CPE: variants seen among roughly 807,000 people sequenced by gnomAD.
CPE encodes carbocypeptidase E.
CPE carries 17 observed loss-of-function variants against 53.5 expected under a neutral mutation model. That is an observed-to-expected ratio of 0.32 (90% CI 0.22 to 0.48). The LOEUF is 0.48. CPE is among the 20% of genes least tolerant of loss of function. The probability of loss-of-function intolerance (pLI) is 0.99; values close to 1 mark genes in which losing one functional copy is unlikely to be tolerated. For synonymous variants in CPE, 226 were observed against 228.8 expected (o/e 0.99, Z 0.11); for missense variants, 524 against 614.7 (o/e 0.85, Z 1.56).
intron 1 of CPE, among the ~76,000 whole-genome samples, chr4:165,419,407 G>A (rs1731171105): frequency 6.6e-6 from 1 of 152,084 alleles, no homozygotes. Flanking sequence ...TTTTAAAGAT[G>A]TGATTTTCCA....
Position 165,429,552 on chromosome 4 carries a change from A to T in CPE, c.308-34838A>T, listed in dbSNP as rs865985539. On this transcript the variant is annotated intron_variant, in intron 1 of 8. Coordinates refer to ENST00000402744, the MANE Select transcript of CPE (RefSeq NM_001873.4). Reference sequence around the variant, plus strand: ...ACCCTGTCTCTACAAAAATACAAGAATTGGGCAGGCATGGTGGTGGGCACC... The same window carrying T: ...ACCCTGTCTCTACAAAAATACAAGATTTGGGCAGGCATGGTGGTGGGCACC... Among the ~76,000 whole-genome samples the T allele has an allele frequency of 2.0e-5, 3 of 152,018 alleles. No individual in the cohort carries two copies. In the South Asian group the frequency reaches 6.2e-4, roughly 32 times the overall value.
chr4:165,495,032 A>C (rs897149840), intron 7 of CPE, among the ~76,000 whole-genome samples: 3 of 152,206 alleles, frequency 2.0e-5, no homozygotes, highest in Non-Finnish European at 4.4e-5. Flanking sequence ...CCAGGTTTGC[A>C]CCCAAGTTTG....
At chr4:165,456,556 TTCTC>T (rs33985842) in intron 1 of CPE, among the ~76,000 whole-genome samples, 33 of 149,688 alleles carry the variant, frequency 2.2e-4, no homozygotes, top group South Asian at 6.3e-4. Context: ...CTCTCTCTCT[TTCTC>T]TCTCTCTCTC....
At chr4:165,443,270 TC>T (rs1443351518) in intron 1 of CPE, among the ~76,000 whole-genome samples, 1 of 152,174 alleles carries the variant, frequency 6.6e-6, no homozygotes, top group Non-Finnish European at 1.5e-5. Flanking sequence ...CTGTCTCCTC[TC>T]CTTCTCATCT....
intron 1 of CPE, among the ~76,000 whole-genome samples, chr4:165,440,501 T>C (rs1192928040): frequency 6.8e-6 from 1 of 147,396 alleles, no homozygotes; most frequent in African/African-American, 2.6e-5. Flanking sequence ...AGTGGTCTGG[T>C]GTGCAGGATT....
chr4:165,434,228 A>G (rs1251515255), intron 1 of CPE, among the ~76,000 whole-genome samples: 3 of 152,108 alleles, frequency 2.0e-5, no homozygotes, highest in Non-Finnish European at 2.9e-5. Flanking sequence ...AACATGTGGG[A>G]GTTTTCAACT....
At chr4:165,496,669 C>T (rs954514409) in intron 8 of CPE, among the ~76,000 whole-genome samples, 4 of 152,118 alleles carry the variant, frequency 2.6e-5, no homozygotes, top group South Asian at 2.1e-4. Flanking sequence ...GCCTTTTATG[C>T]GGAGTGTGTG....
intron 1 of CPE, among the ~76,000 whole-genome samples, chr4:165,387,461 G>C (rs1730612058): frequency 1.3e-5 from 2 of 152,124 alleles, no homozygotes; most frequent in South Asian, 4.1e-4. Flanking sequence ...TAAAATGGAT[G>C]CAAATTGTTT....
chr4:165,459,887 C>T, intron 1 of CPE, among the ~76,000 whole-genome samples: 1 of 141,192 alleles, frequency 7.1e-6, no homozygotes, highest in East Asian at 2.1e-4. Context: ...TGCACTCCAG[C>T]CTGGGCAACA....
chr4:165,422,957 A>G (rs1560877142), intron 1 of CPE, among the ~76,000 whole-genome samples: 1 of 143,084 alleles, frequency 7.0e-6, no homozygotes, highest in Non-Finnish European at 1.5e-5. Context: ...AGCCTGGGCG[A>G]CAGAACGAAA....
chr4:165,412,396 A>G (rs1345971154), intron 1 of CPE, among the ~76,000 whole-genome samples: 1 of 152,208 alleles, frequency 6.6e-6, no homozygotes, highest in Non-Finnish European at 1.5e-5. Flanking sequence ...GTAAGCAAGT[A>G]CTACATACCA....
intron 1 of CPE, among the ~76,000 whole-genome samples, chr4:165,445,477 A>G (rs1463211164): frequency 6.6e-6 from 1 of 152,150 alleles, no homozygotes; most frequent in Non-Finnish European, 1.5e-5. Flanking sequence ...GAATTTGAAA[A>G]AATGAAAGAA....
intron 8 of CPE, among the ~76,000 whole-genome samples, chr4:165,495,990 G>A (rs1168974543): frequency 3.3e-5 from 5 of 151,994 alleles, no homozygotes; most frequent in African/African-American, 1.2e-4. Flanking sequence ...TTAGCACCTA[G>A]CGCAGTGCCT....
In CPE at chr4:165,497,532, AT is replaced by A; in HGVS notation, c.1357del (p.Ser453LeufsTer11). On this transcript the variant is annotated frameshift_variant, in exon 9 of 9. Transcript: ENST00000402744. LOFTEE classifies it high-confidence loss of function. ...TTTAGGTTGATTTTGAACTGGAGTC[AT>A]TTTCTGAAAGGAAAGAAGAGGAGAA... ...AAGVDFELES[F>X]SERKEEEKEE... is the part of the protein sequence containing the mutation. 6.4e-7 allele frequency: 1 copy of A among 1,573,554 alleles called. No individual in the cohort carries two copies. Among genetic ancestry groups the A allele is most frequent in the Non-Finnish European group, 8.6e-7 (1 of 1,162,826 alleles).
chr4:165,449,482 T>C (rs1205245349), intron 1 of CPE, among the ~76,000 whole-genome samples: 1 of 152,126 alleles, frequency 6.6e-6, no homozygotes, highest in Non-Finnish European at 1.5e-5. Flanking sequence ...CTGTCTTGGA[T>C]GTTGGGGAGA....
At chr4:165,483,890 T>C (rs1014150296) in intron 4 of CPE, among the ~76,000 whole-genome samples, 1 of 152,216 alleles carries the variant, frequency 6.6e-6, no homozygotes. Flanking sequence ...TTAAATAAAT[T>C]TGAAGACTTT....
chr4:165,468,332 C>T (rs545392658), intron 3 of CPE, among the ~76,000 whole-genome samples: 9 of 152,186 alleles, frequency 5.9e-5, no homozygotes, highest in East Asian at 1.9e-4. Flanking sequence ...CATCTGATAC[C>T]GTTATTTGCT....
chr4:165,464,270 TAAGGCA>T, intron 1 of CPE, 114 bp from the exon 2 acceptor site: 1 of 775,730 alleles, frequency 1.3e-6, no homozygotes, highest in African/African-American at 1.8e-5. Context: ...GATTTTTTTT[TAAGGCA>T]TCGCTGCTGG....
chr4:165,481,493 T>C (rs1732411417), intron 3 of CPE, among the ~76,000 whole-genome samples: 1 of 152,128 alleles, frequency 6.6e-6, no homozygotes, highest in Admixed American at 6.5e-5. Flanking sequence ...GGTTTGAGAG[T>C]CTTCCTAGTT....
Sources: allele counts gnomAD v4.1 joint callset (sites outside exome capture counted in the v4.1 genomes callset), GRCh38; gene constraint gnomAD v4.1.1; transcripts MANE v1.5; gene names NCBI Gene and HGNC (gene_info 2026-07-23, HGNC 2026-07-21).